The following MBD6 variants were observed in gnomAD, a reference collection of about 807,000 sequenced individuals.
MBD6 encodes the protein methyl-CpG binding domain protein 6, also known as methyl-CpG-binding domain protein 6.
A neutral mutation model predicts 66.8 loss-of-function variants in MBD6; 22 were observed. That is an observed-to-expected ratio of 0.33 (90% confidence interval 0.24 to 0.47). MBD6 has a LOEUF of 0.47. MBD6 is among the 20% of genes least tolerant of loss of function. The probability of loss-of-function intolerance (pLI) is 1.00; values close to 1 mark genes in which losing one functional copy is unlikely to be tolerated. For missense variants in MBD6, 1,322 were observed against 1,286.9 expected, an observed-to-expected ratio of 1.03 and a Z score of -0.42; for synonymous variants, 540 against 534.6, an observed-to-expected ratio of 1.01 and a Z score of -0.14.
At position 57,526,966 on chromosome 12, in the gene MBD6, C is replaced by T; in HGVS notation, c.1821C>T (p.Pro607=). ...LLVASLLPPP[P]SDLLPPPSAP... is the part of the protein sequence containing the mutation. ...TGGCTTCCTTGCTTCCTCCACCACC[C>T]TCAGACCTTCTTCCACCTCCTTCAG... is the stretch of plus-strand genomic sequence containing the variant. Residue 607 remains proline, a synonymous_variant, in exon 7 of 13, where the codon CCC becomes CCT. Coordinates refer to ENST00000355673, the MANE Select transcript of MBD6 (RefSeq NM_052897.4). 2.5e-6 allele frequency: 4 copies of T among 1,613,850 alleles called. No individual in the cohort carries two copies. The highest frequency in any genetic ancestry group is 3.4e-6 in the Non-Finnish European group (4 of 1,179,978).
chr12:57,529,589 T>G lies in MBD6; in HGVS notation c.*355T>G. ...ATGACTCTTTTATATTTAATTCGAT[T>G]TCATTGCCTCCCTTCTTAAAGCCAA... On this transcript the variant is annotated 3_prime_UTR_variant, in exon 13 of 13. Coordinates refer to ENST00000355673, the MANE Select transcript of MBD6 (RefSeq NM_052897.4). 1 of 201,446 alleles carries G rather than the reference T, an allele frequency of 5.0e-6. No homozygotes were observed. The highest frequency in any genetic ancestry group is 1.0e-5 in the Non-Finnish European group (1 of 96,088). 12.5% of individuals were successfully genotyped at this position (201,446 alleles called of 1,614,324 possible).
intron 5 of MBD6, 36 bp from the exon 6 acceptor site, chr12:57,525,312 G>A (rs1878800076): frequency 2.0e-6 from 3 of 1,535,154 alleles, no homozygotes; most frequent in Non-Finnish European, 2.6e-6. Flanking sequence ...TGGAAGGGGA[G>A]CCACAGGCTG....
At chr12:57,520,999 C>G (rs1270602380), upstream of MBD6, 1 of 152,772 alleles carries the variant, frequency 6.5e-6, no homozygotes, top group African/African-American at 2.4e-5. Context: ...CTTGTCTCCC[C>G]CAGAAGCTGC....
chr12:57,526,419 C>T (rs777229260), intron 6 of MBD6, 31 bp downstream of exon 6: 1 of 1,538,796 alleles, frequency 6.5e-7, no homozygotes, highest in East Asian at 2.3e-5. Context: ...CCTTCCTCAT[C>T]CTGGCTGGAA....
chr12:57,529,438 C>CT lies in MBD6; in HGVS notation c.*204_*205insT. 5.5e-6 allele frequency: 3 copies of CT among 547,020 alleles called. No homozygotes were observed. The highest frequency in any genetic ancestry group is 3.0e-5 in the East Asian group (1 of 32,802). The allele number at this position is 547,020 out of a possible 1,614,324, so 33.9% of individuals were successfully genotyped here. A position where few individuals can be genotyped will look rare whatever the true frequency, so the allele number is the denominator to read the frequency against. ...AGTTCACCCCCCCCCACCACCCCCC[C>CT]GCCCCCCCGAAGCCATGTCACTGAA... On this transcript the variant is annotated 3_prime_UTR_variant, in exon 13 of 13. Coordinates refer to ENST00000355673, the MANE Select transcript of MBD6 (RefSeq NM_052897.4).
At chr12:57,522,288 GTGACAGGCAGAGGTCATGTGACT>G (rs1341012274), upstream of MBD6, among the ~76,000 whole-genome samples, 12 of 152,352 alleles carry the variant, frequency 7.9e-5, no homozygotes, top group African/African-American at 2.9e-4. Context: ...CAGGTTGTCA[GTGACAGGCAGAGGTCATGTGACT>G]TGACAGGCTG....
chr12:57,530,826 T>C, downstream of MBD6: 3 of 1,438,442 alleles, frequency 2.1e-6, no homozygotes, highest in Non-Finnish European at 2.9e-6. Flanking sequence ...GTTGCTTAAC[T>C]GGATGAGGAC....
chr12:57,531,539 T>C (rs1213979840), downstream of MBD6, among the ~76,000 whole-genome samples: 2 of 151,858 alleles, frequency 1.3e-5, no homozygotes, highest in African/African-American at 4.8e-5. Flanking sequence ...CAATAAGAAA[T>C]TGTGGACTTG....
In MBD6 at chr12:57,527,617, A is replaced by T. The variant is rs1555171749; in HGVS notation, c.2193A>T (p.Arg731Ser). 3 of 1,610,262 alleles carry T rather than the reference A, an allele frequency of 1.9e-6. No individual in the cohort carries two copies. The highest frequency in any genetic ancestry group is 2.5e-6 in the Non-Finnish European group (3 of 1,178,698). Residue 731 changes from arginine (R) to serine (S), a missense_variant, in exon 8 of 13, where the codon AGA (arginine) becomes AGT (serine). Arg to Ser is a moderately radical substitution (Grantham distance 110, BLOSUM62 -1). Coordinates refer to ENST00000355673, the MANE Select transcript of MBD6 (RefSeq NM_052897.4). The stretch of plus-strand genomic sequence containing the variant: ...GCAAGGCCCCCTCCAACTCAGGGAG[A>T]CCCCCCCAACTCCTTAGCCCTCTGC... ...SLGKAPSNSG[R>S]PPQLLSPLLG...
chr12:57,528,585 G>A (rs753483540), intron 10 of MBD6, 25 bp downstream of exon 10: 1 of 1,611,630 alleles, frequency 6.2e-7, no homozygotes, highest in Non-Finnish European at 8.5e-7. Context: ...CTGGTAGTCT[G>A]GGCTCAGGGG....
At chr12:57,528,781 AATG>A in intron 11 of MBD6, 63 bp downstream of exon 11, 1 of 1,609,122 alleles carries the variant, frequency 6.2e-7, no homozygotes, top group Non-Finnish European at 8.5e-7. Flanking sequence ...GGACAGTTCT[AATG>A]TCCAAATAGT....
In MBD6 at chr12:57,529,313, G is replaced by A; in HGVS notation, c.*79G>A. ...CCTTGGGAGCCCCTGCCAGCCACCT[G>A]CACCTGTGGACAGTGGGTGGGGGCA... is the stretch of plus-strand genomic sequence containing the variant. On this transcript the variant is annotated 3_prime_UTR_variant, in exon 13 of 13. Coordinates refer to ENST00000355673, the MANE Select transcript of MBD6 (RefSeq NM_052897.4). 6.8e-7 allele frequency: 1 copy of A among 1,461,100 alleles called. No homozygotes were observed. Among genetic ancestry groups the A allele is most frequent in the African/African-American group, 1.4e-5 (1 of 71,862 alleles). 90.5% of individuals were successfully genotyped at this position (1,461,100 alleles called of 1,614,324 possible). A position where few individuals can be genotyped will look rare whatever the true frequency, so the allele number is the denominator to read the frequency against.
In MBD6 at chr12:57,525,895, G is replaced by A. The variant is rs368099392; in HGVS notation, c.927G>A (p.Thr309=). The A allele has an allele frequency of 7.0e-6, 11 of 1,576,808 alleles. No individual in the cohort carries two copies. The African/African-American group carries it at 9.8e-5, about 14-fold the overall frequency. Residue 309 remains threonine (T), a synonymous_variant, in exon 6 of 13, where the codon ACG becomes ACA. Coordinates refer to ENST00000355673, the MANE Select transcript of MBD6 (RefSeq NM_052897.4). Reference sequence around the variant, plus strand: ...TGGGGCCCCTGGGAGGGGCCCCCACGGTGGAGGGGCCTGGGGCACCCCCCT... The same window carrying A: ...TGGGGCCCCTGGGAGGGGCCCCCACAGTGGAGGGGCCTGGGGCACCCCCCT... ...LVLGPLGGAP[T]VEGPGAPPFL... is the part of the protein sequence containing the mutation.
chr12:57,528,743 C>T (rs1309651060), intron 11 of MBD6, 25 bp downstream of exon 11: 9 of 1,613,838 alleles, frequency 5.6e-6, no homozygotes, highest in Non-Finnish European at 7.6e-6. Context: ...TACTATAGTG[C>T]TGGCCTTTGC....
At chr12:57,531,170 T>G (rs1227891348), downstream of MBD6, among the ~76,000 whole-genome samples, 1 of 152,228 alleles carries the variant, frequency 6.6e-6, no homozygotes, top group African/African-American at 2.4e-5. Flanking sequence ...CTGTGATTGA[T>G]GCTGGTCTCT....
downstream of MBD6, among the ~76,000 whole-genome samples, chr12:57,531,360 T>TA (rs553194738): frequency 1.7e-4 from 25 of 146,918 alleles, no homozygotes; most frequent in South Asian, 1.3e-3. Flanking sequence ...CCGTCTCTAC[T>TA]AAAAAAAAAA....
intron 3 of MBD6, 151 bp downstream of exon 3, chr12:57,524,567 GC>G: frequency 9.6e-7 from 1 of 1,039,830 alleles, no homozygotes; most frequent in Non-Finnish European, 1.5e-6. Flanking sequence ...GTAGCTCTGG[GC>G]CTTTGAATCC....
chr12:57,525,031 A>G lies in MBD6; in HGVS notation c.295A>G (p.Lys99Glu), dbSNP rs1472036851. 6.2e-7 allele frequency: 1 copy of G among 1,613,244 alleles called. No individual in the cohort carries two copies. The highest frequency in any genetic ancestry group is 8.5e-7 in the Non-Finnish European group (1 of 1,179,748). The change falls in exon 5 of 13, where the codon AAG (lysine) becomes GAG (glutamate). Residue 99 changes from lysine to glutamate, a missense_variant. Transcript: ENST00000355673. ...VGPASEEDMT[K>E]LCNHRRKAVA... Reference sequence around the variant, plus strand: ...GCCAGCATCAGAGGAGGACATGACCAAGCTGTGCAACCACCGGCGGAAAGC... The same window carrying G: ...GCCAGCATCAGAGGAGGACATGACCGAGCTGTGCAACCACCGGCGGAAAGC...
Position 57,525,840 on chromosome 12 carries a change from C to T in MBD6, c.872C>T (p.Ser291Phe). The T allele has an allele frequency of 6.2e-7, 1 of 1,606,640 alleles. No homozygotes were observed. The highest frequency in any genetic ancestry group is 8.5e-7 in the Non-Finnish European group (1 of 1,176,854). Reference protein sequence around the residue: ...HPGPASQPPVSSATMHLPLVL... With the variant: ...HPGPASQPPVFSATMHLPLVL... Reference sequence around the variant, plus strand: ...GGTCCTGCCTCTCAGCCACCAGTGTCTTCAGCCACTATGCACCTGCCCCTG... The same window carrying T: ...GGTCCTGCCTCTCAGCCACCAGTGTTTTCAGCCACTATGCACCTGCCCCTG... The change falls in exon 6 of 13, where the codon TCT (serine) becomes TTT (phenylalanine). Residue 291 changes from serine (S) to phenylalanine (F), a missense_variant. Physicochemically the swap from Ser to Phe is radical, Grantham distance 155 (BLOSUM62 -2). Coordinates refer to ENST00000355673, the MANE Select transcript of MBD6 (RefSeq NM_052897.4).
Sources: allele counts gnomAD v4.1 joint callset (sites outside exome capture counted in the v4.1 genomes callset), GRCh38; gene constraint gnomAD v4.1.1; transcripts MANE v1.5; gene names NCBI Gene and HGNC (gene_info 2026-07-23, HGNC 2026-07-21).